EIF3K: variants seen among roughly 807,000 people sequenced by gnomAD.
EIF3K encodes eIF-3 p28.
In EIF3K, 27 loss-of-function variants were observed where a neutral mutation model predicts 34.2. The ratio of observed to expected loss-of-function variants is 0.79; its 90% CI spans 0.58 to 1.09. The LOEUF (loss-of-function observed/expected upper bound fraction) is 1.09. Ranked by LOEUF, EIF3K falls within the 50% of genes least tolerant of loss-of-function variation. The probability of loss-of-function intolerance (pLI) is 0.00; values close to 1 mark genes in which losing one functional copy is unlikely to be tolerated. For synonymous variants in EIF3K, 105 were observed against 105.7 expected (o/e 0.99, Z 0.04); for missense variants, 232 against 275.4 (o/e 0.84, Z 1.11).
intron 3 of EIF3K, among the ~76,000 whole-genome samples, chr19:38,625,109 A>C (rs1975921223): frequency 6.6e-6 from 1 of 151,948 alleles, no homozygotes; most frequent in South Asian, 2.1e-4. Context: ...TGGTAGAGGA[A>C]GCCTGACATA....
chr19:38,619,459 A>T, intron 1 of EIF3K, 132 bp downstream of exon 1: 1 of 1,007,194 alleles, frequency 9.9e-7, no homozygotes, highest in Non-Finnish European at 1.5e-6. Context: ...GGAGGAGGAG[A>T]TGCTTAAAGA....
chr19:38,628,985 G>A (rs1169544275), intron 4 of EIF3K, among the ~76,000 whole-genome samples: 1 of 152,044 alleles, frequency 6.6e-6, no homozygotes, highest in Non-Finnish European at 1.5e-5. Flanking sequence ...GGAGAAAATG[G>A]AAGCAGCCAC....
intron 5 of EIF3K, 24 bp downstream of exon 5, chr19:38,632,520 C>G (rs1342796302): frequency 6.2e-7 from 1 of 1,613,696 alleles, no homozygotes; most frequent in Non-Finnish European, 8.5e-7. Context: ...TGAGGCTGGG[C>G]TCCCCAAGGG....
chr19:38,635,929 T>C (rs965414657), intron 7 of EIF3K, among the ~76,000 whole-genome samples: 1 of 152,206 alleles, frequency 6.6e-6, no homozygotes, highest in Non-Finnish European at 1.5e-5. Flanking sequence ...CCCCACCCGC[T>C]TGAGTGTGAT....
At chr19:38,630,347 A>ATTTT (rs71165567) in intron 4 of EIF3K, among the ~76,000 whole-genome samples, 6 of 124,382 alleles carry the variant, frequency 4.8e-5, no homozygotes, top group South Asian at 2.7e-4. Flanking sequence ...TTATTTATTT[A>ATTTT]TTTTTTTTTT....
At chr19:38,631,326 T>C (rs1171239726) in intron 4 of EIF3K, among the ~76,000 whole-genome samples, 1 of 152,100 alleles carries the variant, frequency 6.6e-6, no homozygotes, top group Non-Finnish European at 1.5e-5. Context: ...TATTGGGTGT[T>C]TCTCGGAGAG....
At chr19:38,631,245 G>A (rs888705349) in intron 4 of EIF3K, among the ~76,000 whole-genome samples, 2 of 152,186 alleles carry the variant, frequency 1.3e-5, no homozygotes, top group Non-Finnish European at 2.9e-5. Flanking sequence ...AGAAAAGGGG[G>A]CCCAGGGGAC....
At chr19:38,635,866 C>T (rs1976180134) in intron 7 of EIF3K, 1 of 152,254 alleles carries the variant, frequency 6.6e-6, no homozygotes, top group Admixed American at 6.5e-5. Context: ...GAGCAGATGT[C>T]CTGGAGCCAG....
At chr19:38,628,519 T>G (rs1026554488) in intron 4 of EIF3K, 3 of 152,712 alleles carry the variant, frequency 2.0e-5, no homozygotes, top group African/African-American at 7.2e-5. Context: ...CTGTTCCGCT[T>G]CCTTCTCTTA....
intron 6 of EIF3K, among the ~76,000 whole-genome samples, chr19:38,633,778 G>C (rs925867532): frequency 1.1e-4 from 16 of 151,956 alleles, no homozygotes; most frequent in Admixed American, 7.9e-4. Flanking sequence ...TTCGAGACCA[G>C]CCTGGCCAAC....
At chr19:38,624,223 G>T in intron 3 of EIF3K, 26 bp downstream of exon 3, 1 of 1,613,708 alleles carries the variant, frequency 6.2e-7, no homozygotes, top group Non-Finnish European at 8.5e-7. Context: ...TGGGGCCGGG[G>T]GGTGTGTGGG....
rs1975811927 is a variant in EIF3K, at chr19:38,620,352, C to A, written c.75C>A (p.Asn25Lys). 8 of 1,614,002 alleles carry A rather than the reference C, an allele frequency of 5.0e-6. No individual in the cohort carries two copies. Among genetic ancestry groups the A allele is most frequent in the Non-Finnish European group, 6.8e-6 (8 of 1,179,998 alleles). ...LKGIDRYNPE[N>K]LATLERYVET... ...TCTCCTTTAGGTACAATCCTGAGAA[C>A]CTGGCCACCCTGGAGCGCTATGTAG... The change falls in exon 2 of 8, where the codon AAC becomes AAA. Residue 25 changes from asparagine (N) to lysine (K), a missense_variant. Coordinates refer to ENST00000248342, the MANE Select transcript of EIF3K (RefSeq NM_013234.4).
At chr19:38,625,451 C>A (rs1481334588) in intron 3 of EIF3K, among the ~76,000 whole-genome samples, 1 of 150,862 alleles carries the variant, frequency 6.6e-6, no homozygotes, top group Non-Finnish European at 1.5e-5. Context: ...CAGATGTGAG[C>A]CACCGTGCCC....
intron 4 of EIF3K, chr19:38,632,011 T>C (rs1347327763): frequency 1.0e-5 from 2 of 191,618 alleles, no homozygotes; most frequent in Non-Finnish European, 2.2e-5. Flanking sequence ...TTTTTCTTAG[T>C]ACAGAATAAA....
intron 2 of EIF3K, among the ~76,000 whole-genome samples, chr19:38,622,099 CT>C (rs761519463): frequency 0.017 from 2,299 of 135,260 alleles, 41 homozygotes; most frequent in African/African-American, 0.052. Context: ...TCTTTCTTTC[CT>C]TTTTTTTTTT....
At chr19:38,622,798 T>C (rs1244961698) in intron 2 of EIF3K, among the ~76,000 whole-genome samples, 2 of 152,238 alleles carry the variant, frequency 1.3e-5, no homozygotes, top group African/African-American at 2.4e-5. Context: ...CGCATTCTCT[T>C]TCTCAGGGAC....
chr19:38,632,745 C>A (rs1342400177), intron 6 of EIF3K, 67 bp downstream of exon 6: 1 of 1,435,032 alleles, frequency 7.0e-7, no homozygotes, highest in Non-Finnish European at 9.5e-7. Flanking sequence ...GGACCTCAGT[C>A]AGCTCCTCCA....
intron 3 of EIF3K, among the ~76,000 whole-genome samples, chr19:38,625,498 G>C (rs1335466179): frequency 6.8e-6 from 1 of 148,086 alleles, no homozygotes; most frequent in Admixed American, 6.7e-5. Context: ...ATAATAGTAG[G>C]GTTTTTTTGT....
At chr19:38,635,539 G>C in intron 7 of EIF3K, 1 of 249,362 alleles carries the variant, frequency 4.0e-6, no homozygotes. Context: ...TTGTGCCTCA[G>C]TTTTCTCATC....
Sources: allele counts gnomAD v4.1 joint callset (sites outside exome capture counted in the v4.1 genomes callset), GRCh38; gene constraint gnomAD v4.1.1; transcripts MANE v1.5; gene names NCBI Gene and HGNC (gene_info 2026-07-23, HGNC 2026-07-21).